Variants in NUP98 observed in about 807,000 individuals in gnomAD.
The protein encoded by NUP98 is nuclear pore complex protein Nup98-Nup96.
NUP98 carries 26 observed loss-of-function variants against 191.9 expected under a neutral mutation model. The ratio of observed to expected loss-of-function variants is 0.14; its 90% CI spans 0.10 to 0.19. The LOEUF is 0.19. NUP98 is among the 10% of genes least tolerant of loss of function. The probability of loss-of-function intolerance (pLI) is 1.00; values close to 1 mark genes in which losing one functional copy is unlikely to be tolerated. For synonymous variants in NUP98, 808 were observed against 778.4 expected, an observed-to-expected ratio of 1.04 and a Z score of -0.63; for missense variants, 1,941 against 2,178.8, an observed-to-expected ratio of 0.89 and a Z score of 2.17.
rs1386292904 is a variant in NUP98 at position 3,699,202 on chromosome 11, C to A, written c.3889G>T (p.Ala1297Ser). The change falls in exon 25 of 33, where the codon GCC (alanine) becomes TCC (serine). Residue 1297 changes from alanine (A) to serine (S), a missense_variant. Transcript: ENST00000324932. ...ACTTCCTCTTCAATCTGAGGTGTGGCAGTACAGGATAGCCAGCGGGAGAAA... is the reference window on the plus strand; with the variant it reads ...ACTTCCTCTTCAATCTGAGGTGTGGAAGTACAGGATAGCCAGCGGGAGAAA... ...RAFSRWLSCT[A>S]TPQIEEEVSL... is the part of the protein sequence containing the mutation. 1 of 1,614,150 alleles carries A rather than the reference C, an allele frequency of 6.2e-7. No individual in the cohort carries two copies. Among genetic ancestry groups the A allele is most frequent in the Admixed American group, 1.7e-5 (1 of 60,020 alleles).
chr11:3,750,896 A>C (rs534491025), intron 11 of NUP98, among the ~76,000 whole-genome samples: 1 of 152,242 alleles, frequency 6.6e-6, no homozygotes, highest in African/African-American at 2.4e-5. Context: ...TAGGCCTCCC[A>C]AAGTGCTGGG....
At chr11:3,763,125 T>C in intron 8 of NUP98, 86 bp from the exon 9 acceptor site, 3 of 1,325,312 alleles carry the variant, frequency 2.3e-6, no homozygotes, top group Non-Finnish European at 3.1e-6. Context: ...AGTTACCATT[T>C]TTTCAAGCTT....
chr11:3,754,053 C>T (rs2134450512), intron 10 of NUP98, among the ~76,000 whole-genome samples: 1 of 152,226 alleles, frequency 6.6e-6, no homozygotes, highest in South Asian at 2.1e-4. Context: ...GGAACATTGC[C>T]TTTGTAAGGC....
intron 12 of NUP98, among the ~76,000 whole-genome samples, chr11:3,736,873 T>C (rs988018522): frequency 4.6e-5 from 7 of 152,186 alleles, no homozygotes; most frequent in African/African-American, 1.4e-4. Context: ...CTTATAAGTT[T>C]ATTATTTACA....
At chr11:3,775,794 G>C (rs1007956308) in intron 5 of NUP98, 88 bp downstream of exon 5, 78 of 1,329,080 alleles carry the variant, frequency 5.9e-5, no homozygotes, top group Admixed American at 3.1e-4. Flanking sequence ...AAGCTAAGCT[G>C]GAAAGAGAAG....
chr11:3,696,233 G>A (rs746707500), intron 25 of NUP98, among the ~76,000 whole-genome samples: 1 of 152,008 alleles, frequency 6.6e-6, no homozygotes, highest in Middle Eastern at 3.2e-3. Context: ...TGGGCACGGT[G>A]GCTCACACCT....
chr11:3,710,815 G>A (rs2079007152), intron 20 of NUP98, among the ~76,000 whole-genome samples: 2 of 152,124 alleles, frequency 1.3e-5, no homozygotes, highest in African/African-American at 2.4e-5. Flanking sequence ...CCAAGCTCAA[G>A]GCCTTAGAAA....
At chr11:3,767,366 C>T (rs775855948) in intron 8 of NUP98, among the ~76,000 whole-genome samples, 7 of 151,502 alleles carry the variant, frequency 4.6e-5, no homozygotes, top group South Asian at 2.1e-4. Flanking sequence ...CTCTCTTCGT[C>T]GCCCAGGTTG....
chr11:3,788,970 CT>C (rs1376936686), intron 1 of NUP98, among the ~76,000 whole-genome samples: 1 of 152,050 alleles, frequency 6.6e-6, no homozygotes, highest in East Asian at 1.9e-4. Flanking sequence ...AAAAAAAAAC[CT>C]GTCAGTTACC....
rs113941509 is a variant in NUP98, at chr11:3,790,898, ATT to A, written c.-29+6500_-29+6501del. On this transcript the variant is annotated intron_variant, in intron 1 of 32. Transcript: ENST00000324932. The stretch of plus-strand genomic sequence containing the variant: ...GTTTTTCTCATGGAACACCATTTTA[ATT>A]TTTTTTTTTTTTTGAGACAGAGTCT... Among the ~76,000 whole-genome samples, 298 of 144,554 alleles carry A rather than the reference ATT, an allele frequency of 2.1e-3. 2 individuals are homozygous for A. Among genetic ancestry groups the A allele is most frequent in the African/African-American group, 7.0e-3 (275 of 39,374 alleles). 94.8% of individuals were successfully genotyped at this position (144,554 alleles called of 152,430 possible).
Position 3,691,467 on chromosome 11 carries a change from T to C in NUP98, c.4334A>G (p.Tyr1445Cys), listed in dbSNP as rs2078308496. The C allele has an allele frequency of 1.2e-6, 2 of 1,614,246 alleles. No individual in the cohort carries two copies. Among genetic ancestry groups the C allele is most frequent in the Non-Finnish European group, 1.7e-6 (2 of 1,180,050 alleles). The change falls in exon 28 of 33, where the codon TAT becomes TGT. Residue 1445 changes from tyrosine to cysteine, a missense_variant. By Grantham distance (194) the Tyr-to-Cys change is radical. Coordinates refer to ENST00000324932, the MANE Select transcript of NUP98 (RefSeq NM_016320.5). ...ATACGAAGGAAGTGGGGAGCAGGCA[T>C]ATCTGTCACTGTCAGAGGTATTCTG... ...AFQNTSDSDR[Y>C]ACSPLPSYLE...
intron 11 of NUP98, 120 bp downstream of exon 11, chr11:3,753,196 G>A: frequency 1.2e-6 from 1 of 848,554 alleles, no homozygotes; most frequent in Non-Finnish European, 1.9e-6. Context: ...AAACGCAACT[G>A]GAAAAACGAA....
chr11:3,738,525 T>C (rs1033119728), intron 12 of NUP98, among the ~76,000 whole-genome samples: 2 of 152,082 alleles, frequency 1.3e-5, no homozygotes, highest in South Asian at 2.1e-4. Flanking sequence ...ATGCCAGTAA[T>C]CCCAGCACTT....
chr11:3,745,891 A>C (rs1202853723), intron 11 of NUP98, among the ~76,000 whole-genome samples: 1 of 152,232 alleles, frequency 6.6e-6, no homozygotes, highest in Admixed American at 6.5e-5. Context: ...AAAAGAACAG[A>C]AAGTTTATAC....
intron 10 of NUP98, among the ~76,000 whole-genome samples, chr11:3,754,253 T>C (rs1455293677): frequency 6.6e-6 from 1 of 151,772 alleles, no homozygotes; most frequent in African/African-American, 2.4e-5. Context: ...ATGGTGAAAC[T>C]CTGTCTCTAC....
At chr11:3,687,804 G>A (rs1418360236) in intron 28 of NUP98, among the ~76,000 whole-genome samples, 5 of 152,178 alleles carry the variant, frequency 3.3e-5, no homozygotes, top group African/African-American at 1.2e-4. Flanking sequence ...GCTCACGCCT[G>A]TAATCCCAGC....
chr11:3,729,715 C>CAAAAAAAAAAAAAAAAAAA lies in NUP98; in HGVS notation c.1730+1657_1730+1675dup, dbSNP rs755816362. Among the ~76,000 whole-genome samples, 77 of 37,404 alleles carry CAAAAAAAAAAAAAAAAAAA rather than the reference C, an allele frequency of 2.1e-3. 4 individuals carry two copies. The highest frequency in any genetic ancestry group is 2.5e-3 in the Non-Finnish European group (46 of 18,648). The allele number at this position is 37,404 out of a possible 152,430, so 24.5% of individuals were successfully genotyped here. ...GGGCAATGGCATAAGACTCTTGCCTCAAAAAAAAAAAAAAAAAAAAAAAAA... is the reference window on the plus strand; with the variant it reads ...GGGCAATGGCATAAGACTCTTGCCTCAAAAAAAAAAAAAAAAAAAAAAAAAAAAAAAAAAAAAAAAAAAA... On this transcript the variant is annotated intron_variant, in intron 14 of 32. Coordinates refer to ENST00000324932, the MANE Select transcript of NUP98 (RefSeq NM_016320.5).
chr11:3,736,718 T>C (rs1022966317), intron 12 of NUP98, among the ~76,000 whole-genome samples: 2 of 152,234 alleles, frequency 1.3e-5, no homozygotes, highest in African/African-American at 2.4e-5. Flanking sequence ...ATTGTGGAAA[T>C]ATGAAATTAT....
intron 17 of NUP98, 134 bp from the exon 18 acceptor site, chr11:3,719,684 T>C (rs1046288443): frequency 5.2e-6 from 3 of 574,588 alleles, no homozygotes; most frequent in African/African-American, 4.4e-5. Context: ...CAGCAATTCC[T>C]AGACTGGTAA....
Sources: gnomAD v4.1 joint callset for allele counts (sites outside exome capture counted in the v4.1 genomes callset) on GRCh38, gnomAD v4.1.1 for gene constraint, MANE v1.5 for transcripts, NCBI Gene and HGNC (gene_info 2026-07-23, HGNC 2026-07-21) for gene names.